The following SEPTIN14 variants were observed in gnomAD, a reference collection of about 807,000 sequenced individuals.
The protein encoded by SEPTIN14 is septin-14.
In SEPTIN14, 40 loss-of-function variants were observed where a neutral mutation model predicts 53.6. The ratio of observed to expected loss-of-function variants is 0.75; its 90% CI spans 0.58 to 0.97. The LOEUF (loss-of-function observed/expected upper bound fraction) is 0.97. SEPTIN14 is among the 50% of genes least tolerant of loss of function. The pLI is 0.00. For missense variants in SEPTIN14, 471 were observed against 508.2 expected (o/e 0.93, Z 0.70); for synonymous variants, 138 against 166.8 (o/e 0.83, Z 1.33).
intron 6 of SEPTIN14, among the ~76,000 whole-genome samples, chr7:55,820,212 G>A (rs1788868651): frequency 1.3e-5 from 2 of 152,126 alleles, no homozygotes; most frequent in Admixed American, 6.6e-5. Flanking sequence ...TGTTGGCCAC[G>A]CTGGTCTTGA....
At chr7:55,831,485 TA>T (rs1789108347) in intron 6 of SEPTIN14, among the ~76,000 whole-genome samples, 1 of 152,178 alleles carries the variant, frequency 6.6e-6, no homozygotes, top group Non-Finnish European at 1.5e-5. Context: ...CAAGACGTAT[TA>T]ATGACTTAAA....
At position 55,805,335 on chromosome 7, in the gene SEPTIN14, C is replaced by T. The variant is rs1239369446; in HGVS notation, c.1042G>A (p.Glu348Lys). ...AATCTCTGTTTCAACTCTTCTTCTT[C>T]CCTCTGACATTGATCATAGAACTCT... Reference protein sequence around the residue: ...RQEFYDQCQREEEELKQRFMQ... With the variant: ...RQEFYDQCQRKEEELKQRFMQ... Residue 348 changes from glutamate (E) to lysine (K), a missense_variant, in exon 9 of 10, where the codon GAA becomes AAA. Physicochemically the swap from Glu to Lys is moderately conservative, Grantham distance 56 (BLOSUM62 1). Coordinates refer to ENST00000388975, the MANE Select transcript of SEPTIN14 (RefSeq NM_207366.3). 2 of 1,605,844 alleles carry T rather than the reference C, an allele frequency of 1.2e-6. No homozygotes were observed. The highest frequency in any genetic ancestry group is 4.5e-5 in the East Asian group (2 of 44,688).
intron 7 of SEPTIN14, among the ~76,000 whole-genome samples, chr7:55,812,356 C>G (rs1788718052): frequency 6.6e-6 from 1 of 152,078 alleles, no homozygotes; most frequent in Non-Finnish European, 1.5e-5. Flanking sequence ...TGCATAATCT[C>G]ACTTATATGT....
chr7:55,810,271 C>A (rs116349020), intron 7 of SEPTIN14, among the ~76,000 whole-genome samples: 4,248 of 151,962 alleles, frequency 0.028, 203 homozygotes, highest in African/African-American at 0.096. Flanking sequence ...TGAGAAATGC[C>A]TGTTCAGATC....
At chr7:55,810,422 C>A (rs983915169) in intron 7 of SEPTIN14, among the ~76,000 whole-genome samples, 2 of 147,602 alleles carry the variant, frequency 1.4e-5, no homozygotes, top group African/African-American at 5.0e-5. Flanking sequence ...TAGGTTGTAT[C>A]TTTATGCTAT....
chr7:55,834,523 T>C lies in SEPTIN14; in HGVS notation c.622A>G (p.Lys208Glu). 6.2e-7 allele frequency: 1 copy of C among 1,610,694 alleles called. No individual in the cohort carries two copies. The highest frequency in any genetic ancestry group is 1.1e-5 in the South Asian group (1 of 90,950). ...ATCAATTCACTCATTATCTTATTCT[T>C]AAACGTCTGTAAATCATTTTTAGAA... ...TISKNDLQTF[K>E]NKIMSELISN... is the part of the protein sequence containing the mutation. Residue 208 changes from lysine (K) to glutamate (E), a missense_variant, in exon 6 of 10, where the codon AAG (lysine) becomes GAG (glutamate). By Grantham distance (56) the Lys-to-Glu change is moderately conservative. Coordinates refer to ENST00000388975, the MANE Select transcript of SEPTIN14 (RefSeq NM_207366.3).
At chr7:55,834,069 T>C (rs956083883) in intron 6 of SEPTIN14, among the ~76,000 whole-genome samples, 3 of 152,056 alleles carry the variant, frequency 2.0e-5, no homozygotes, top group African/African-American at 7.2e-5. Flanking sequence ...CTCCAAAATA[T>C]AGCCTAGGAC....
intron 6 of SEPTIN14, among the ~76,000 whole-genome samples, chr7:55,824,359 A>G (rs2116007164): frequency 6.6e-6 from 1 of 152,362 alleles, no homozygotes; most frequent in African/African-American, 2.4e-5. Flanking sequence ...AAAGATATTC[A>G]GATAACAAAT....
intron 2 of SEPTIN14, among the ~76,000 whole-genome samples, chr7:55,852,249 G>A (rs1245768922): frequency 2.0e-5 from 3 of 152,012 alleles, no homozygotes; most frequent in Non-Finnish European, 4.4e-5. Flanking sequence ...TGAGTACTCT[G>A]GGTACACTGA....
chr7:55,806,742 C>A (rs1376655821), intron 8 of SEPTIN14, among the ~76,000 whole-genome samples: 1 of 152,160 alleles, frequency 6.6e-6, no homozygotes, highest in Non-Finnish European at 1.5e-5. Flanking sequence ...GGATTACAGG[C>A]ATGAGCCACA....
At chr7:55,817,839 A>G (rs994074353) in intron 7 of SEPTIN14, among the ~76,000 whole-genome samples, 10 of 152,192 alleles carry the variant, frequency 6.6e-5, no homozygotes, top group African/African-American at 2.4e-4. Flanking sequence ...TTGAGATAAC[A>G]CATATGTTAA....
At chr7:55,809,763 TA>T (rs1210702982) in intron 7 of SEPTIN14, among the ~76,000 whole-genome samples, 1 of 111,640 alleles carries the variant, frequency 9.0e-6, no homozygotes, top group Non-Finnish European at 1.9e-5. Context: ...GAACCTAAAA[TA>T]AAAATTAAAA....
chr7:55,852,172 G>C (rs1034024483), intron 2 of SEPTIN14, among the ~76,000 whole-genome samples: 7 of 150,232 alleles, frequency 4.7e-5, no homozygotes, highest in Non-Finnish European at 8.9e-5. Context: ...AAAGAAAAAA[G>C]AAATAGAAAA....
rs1170947628 is a variant in SEPTIN14 at position 55,834,468 on chromosome 7, G to A, written c.677C>T (p.Pro226Leu). The change falls in exon 6 of 10, where the codon CCA (proline) becomes CTA (leucine). Residue 226 changes from proline (P) to leucine (L), a missense_variant. Transcript: ENST00000388975. ...ISNGIQIYQL[P>L]TDEETAAQAN... Reference sequence around the variant, plus strand: ...TTGAGCAGCAGTTTCTTCATCTGTTGGGAGCTGATATATCTGGATGCCATT... The same window carrying A: ...TTGAGCAGCAGTTTCTTCATCTGTTAGGAGCTGATATATCTGGATGCCATT... 6.8e-6 allele frequency: 11 copies of A among 1,612,738 alleles called. No homozygotes were observed. Among genetic ancestry groups the A allele is most frequent in the African/African-American group, 1.3e-5 (1 of 74,858 alleles).
chr7:55,843,249 T>C, intron 4 of SEPTIN14, 121 bp from the exon 5 acceptor site: 1 of 526,472 alleles, frequency 1.9e-6, no homozygotes, highest in Non-Finnish European at 3.3e-6. Flanking sequence ...AAGAAAAAGT[T>C]CATAACATGT....
chr7:55,841,851 G>T (rs1263777698), intron 5 of SEPTIN14, among the ~76,000 whole-genome samples: 1 of 90,564 alleles, frequency 1.1e-5, no homozygotes. Context: ...ATGAAACTCC[G>T]CCAAAAAAAA....
In SEPTIN14 at chr7:55,794,304, A is replaced by C. The variant is rs1319187930; in HGVS notation, c.*1609T>G. The C allele has an allele frequency of 2.0e-5, 3 of 152,220 alleles. No individual in the cohort carries two copies. The highest frequency in any genetic ancestry group is 7.2e-5 in the African/African-American group (3 of 41,468). 9.4% of individuals were successfully genotyped at this position (152,220 alleles called of 1,614,324 possible). On this transcript the variant is annotated 3_prime_UTR_variant, in exon 10 of 10. Transcript: ENST00000388975. ...TTTTAATAACATTGGATTAAGATGAAAGAATGAGAAGATAAAGGTCCCTCA... is the reference window on the plus strand; with the variant it reads ...TTTTAATAACATTGGATTAAGATGACAGAATGAGAAGATAAAGGTCCCTCA...
intron 7 of SEPTIN14, among the ~76,000 whole-genome samples, chr7:55,817,003 C>G (rs1162736940): frequency 1.3e-5 from 2 of 152,084 alleles, no homozygotes; most frequent in Admixed American, 1.3e-4. Context: ...ACCATATGAT[C>G]CAGCCATCTC....
chr7:55,799,309 C>G (rs1311363203), intron 9 of SEPTIN14, among the ~76,000 whole-genome samples: 1 of 149,000 alleles, frequency 6.7e-6, no homozygotes, highest in Admixed American at 6.7e-5. Context: ...AGTTCAAGAC[C>G]AGTCTGGCCA....
Sources: allele counts gnomAD v4.1 joint callset (sites outside exome capture counted in the v4.1 genomes callset), GRCh38; gene constraint gnomAD v4.1.1; transcripts MANE v1.5; gene names NCBI Gene and HGNC (gene_info 2026-07-23, HGNC 2026-07-21).